LRBA: variants seen among roughly 807,000 people sequenced by gnomAD.
The protein encoded by LRBA is lipopolysaccharide-responsive and beige-like anchor protein.
In LRBA, 176 loss-of-function variants were observed where a neutral mutation model predicts 330.0. The ratio of observed to expected loss-of-function variants is 0.53; its 90% CI spans 0.47 to 0.60. The LOEUF (loss-of-function observed/expected upper bound fraction) is 0.60, where lower values mean the gene tolerates loss of function less well. Among genes scored for constraint, LRBA ranks in the 20% least tolerant of loss-of-function variants. The probability of loss-of-function intolerance (pLI) is 0.00; values close to 1 mark genes in which losing one functional copy is unlikely to be tolerated. For synonymous variants in LRBA, 1,230 were observed against 1,193.0 expected, an observed-to-expected ratio of 1.03 and a Z score of -0.64; for missense variants, 3,259 against 3,444.8, an observed-to-expected ratio of 0.95 and a Z score of 1.35.
intron 30 of LRBA, among the ~76,000 whole-genome samples, chr4:150,817,744 A>T (rs542032617): frequency 3.3e-5 from 5 of 152,204 alleles, no homozygotes; most frequent in Admixed American, 3.3e-4. Context: ...TATATAAAAA[A>T]GCAATGCATA....
chr4:150,634,217 G>T (rs1777663803), intron 37 of LRBA, among the ~76,000 whole-genome samples: 2 of 152,212 alleles, frequency 1.3e-5, no homozygotes, highest in South Asian at 4.2e-4. Flanking sequence ...TCTTTAACTA[G>T]ATATCAATTG....
intron 33 of LRBA, among the ~76,000 whole-genome samples, chr4:150,803,745 TG>T (rs1205987963): frequency 6.6e-6 from 1 of 152,208 alleles, no homozygotes; most frequent in East Asian, 1.9e-4. Flanking sequence ...TAGATTTGTT[TG>T]CTATTTTTAT....
At position 150,566,383 on chromosome 4, in the gene LRBA, T is replaced by A. The variant is rs555975610; in HGVS notation, c.6330+21665A>T. Among the ~76,000 whole-genome samples the A allele has an allele frequency of 4.6e-5, 7 of 152,226 alleles. No individual in the cohort carries two copies. The South Asian group carries it at 1.5e-3, about 32-fold the overall frequency. ...AAGAAAAACTCACATGATACTTTCA[T>A]GACCTCTGAAGATTAAATTATATCT... is the stretch of plus-strand genomic sequence containing the variant. On this transcript the variant is annotated intron_variant, in intron 40 of 56. Transcript: ENST00000651943.
At chr4:150,617,716 G>T (rs1462337201) in intron 37 of LRBA, among the ~76,000 whole-genome samples, 2 of 152,094 alleles carry the variant, frequency 1.3e-5, no homozygotes, top group African/African-American at 4.8e-5. Context: ...TCCGCCTGAG[G>T]TACACAGAAG....
intron 36 of LRBA, among the ~76,000 whole-genome samples, chr4:150,692,516 A>G (rs1366880715): frequency 6.6e-6 from 1 of 152,142 alleles, no homozygotes; most frequent in Non-Finnish European, 1.5e-5. Context: ...CACCATGCCC[A>G]GCAAGAAGTT....
intron 30 of LRBA, among the ~76,000 whole-genome samples, chr4:150,827,218 G>A (rs935994017): frequency 6.6e-6 from 1 of 152,252 alleles, no homozygotes; most frequent in South Asian, 2.1e-4. Flanking sequence ...TGGCAGAAGG[G>A]TTCTAATGAT....
At chr4:150,646,005 C>T (rs1001316965) in intron 37 of LRBA, among the ~76,000 whole-genome samples, 1 of 150,484 alleles carries the variant, frequency 6.6e-6, no homozygotes, top group Non-Finnish European at 1.5e-5. Flanking sequence ...TGCTTTCTGT[C>T]TTGTTACACA....
intron 36 of LRBA, among the ~76,000 whole-genome samples, chr4:150,693,495 C>G (rs959791170): frequency 2.0e-4 from 27 of 132,006 alleles, no homozygotes; most frequent in South Asian, 5.0e-4. Context: ...ACCCGGGAGG[C>G]GGAGCTTGCA....
chr4:150,754,340 G>A (rs1733976312), intron 35 of LRBA, among the ~76,000 whole-genome samples: 1 of 144,518 alleles, frequency 6.9e-6, no homozygotes, highest in South Asian at 2.1e-4. Context: ...TTCACAAAAT[G>A]ATAAACATTA....
chr4:150,948,309 A>G (rs1736450135), intron 2 of LRBA, among the ~76,000 whole-genome samples: 1 of 151,972 alleles, frequency 6.6e-6, no homozygotes, highest in Admixed American at 6.6e-5. Context: ...AGAATAAAGA[A>G]CCCAGAACTA....
rs182838930 is a variant in LRBA, at chr4:150,840,849, T to C, written c.4569+3251A>G. ...TAGCAAAGCACAGTAAAATGAGGCATGCCTGTAAATAGAAACTAATGGTAA... is the reference window on the plus strand; with the variant it reads ...TAGCAAAGCACAGTAAAATGAGGCACGCCTGTAAATAGAAACTAATGGTAA... On this transcript the variant is annotated intron_variant, in intron 28 of 56. Transcript: ENST00000651943. The C allele has an allele frequency of 5.0e-3, 4,476 of 887,740 alleles. 9 individuals are homozygous for C. The highest frequency in any genetic ancestry group is 5.7e-3 in the Non-Finnish European group (4,042 of 704,702). The allele number at this position is 887,740 out of a possible 1,614,324, so 55.0% of individuals were successfully genotyped here. A position where few individuals can be genotyped will look rare whatever the true frequency, so the allele number is the denominator to read the frequency against.
intron 47 of LRBA, among the ~76,000 whole-genome samples, chr4:150,386,583 C>T (rs1328504408): frequency 6.6e-6 from 1 of 152,082 alleles, no homozygotes; most frequent in Non-Finnish European, 1.5e-5. Context: ...CATGTCCCTG[C>T]AAAAGACATG....
intron 46 of LRBA, among the ~76,000 whole-genome samples, chr4:150,425,251 G>C: frequency 6.6e-6 from 1 of 152,182 alleles, no homozygotes; most frequent in East Asian, 1.9e-4. Context: ...AGAACAGTCA[G>C]CTCTGGATAA....
intron 44 of LRBA, among the ~76,000 whole-genome samples, chr4:150,462,811 T>A (rs1754948936): frequency 6.6e-6 from 1 of 151,946 alleles, no homozygotes; most frequent in African/African-American, 2.4e-5. Flanking sequence ...TTTCTAAGAT[T>A]TCACAAGTTT....
intron 37 of LRBA, among the ~76,000 whole-genome samples, chr4:150,676,220 T>A (rs939194678): frequency 3.3e-5 from 5 of 152,190 alleles, no homozygotes; most frequent in African/African-American, 1.2e-4. Context: ...ATCACACTAA[T>A]CTTGTATTAG....
At chr4:150,840,885 A>C (rs977213045) in intron 28 of LRBA, 135 of 1,011,356 alleles carry the variant, frequency 1.3e-4, no homozygotes, top group Non-Finnish European at 1.7e-4. Context: ...AAATGAGACT[A>C]ATTGTTAATA....
chr4:150,952,262 G>A (rs1430329511), intron 2 of LRBA, among the ~76,000 whole-genome samples: 5 of 152,190 alleles, frequency 3.3e-5, no homozygotes, highest in Non-Finnish European at 7.3e-5. Context: ...ATATGTGTGT[G>A]TGTGTGTGTG....
At chr4:150,420,378 C>CACATTATAGTATAAAGTATATATAAT (rs1748523371) in intron 46 of LRBA, among the ~76,000 whole-genome samples, 18 of 128,066 alleles carry the variant, frequency 1.4e-4, no homozygotes, top group African/African-American at 4.9e-4. Flanking sequence ...ATATATAATA[C>CACATTATAGTATAAAGTATATATAAT]ACATTATAGT....
At chr4:150,415,303 A>G in intron 47 of LRBA, 135 bp downstream of exon 47, 2 of 595,600 alleles carry the variant, frequency 3.4e-6, no homozygotes, top group Non-Finnish European at 5.7e-6. Flanking sequence ...TTCTTGAGCT[A>G]TTATGTCACT....
Sources: gnomAD v4.1 joint callset for allele counts (sites outside exome capture counted in the v4.1 genomes callset) on GRCh38, gnomAD v4.1.1 for gene constraint, MANE v1.5 for transcripts, NCBI Gene and HGNC (gene_info 2026-07-23, HGNC 2026-07-21) for gene names.